Variants in PTCSC3 observed in about 807,000 individuals in gnomAD.
The protein encoded by PTCSC3 is papillary thyroid carcinoma susceptibility candidate 3, also known as papillary thyroid carcinoma susceptibility candidate 3 (non-protein coding).
At chr14:36,139,700 A>G (rs1881374913) in intron 3 of PTCSC3, among the ~76,000 whole-genome samples, 1 of 152,232 alleles carries the variant, frequency 6.6e-6, no homozygotes, top group African/African-American at 2.4e-5. Flanking sequence ...GCTAAAACTT[A>G]AAACTATAGA....
At chr14:36,148,650 G>T (rs923483123) in intron 3 of PTCSC3, among the ~76,000 whole-genome samples, 6 of 152,210 alleles carry the variant, frequency 3.9e-5, no homozygotes, top group Non-Finnish European at 2.9e-5. Context: ...GGTAGCTGTA[G>T]ACCGGAGCTG....
chr14:36,156,431 C>T (rs948179097), intron 2 of PTCSC3, among the ~76,000 whole-genome samples: 4 of 150,918 alleles, frequency 2.7e-5, no homozygotes, highest in African/African-American at 9.8e-5. Context: ...TGTCACTCAT[C>T]TTCATTCATT....
chr14:36,140,315 G>A (rs1050111096), intron 3 of PTCSC3, among the ~76,000 whole-genome samples: 2 of 152,164 alleles, frequency 1.3e-5, no homozygotes, highest in Non-Finnish European at 2.9e-5. Context: ...AGGTTTTTGT[G>A]TGGCCATAAT....
intron 3 of PTCSC3, among the ~76,000 whole-genome samples, chr14:36,140,383 A>G (rs1881391526): frequency 6.6e-6 from 1 of 152,194 alleles, no homozygotes; most frequent in South Asian, 2.1e-4. Context: ...TGGTATTTGT[A>G]TTAAGTCCGT....
At chr14:36,137,246 G>C (rs1347662142) in intron 3 of PTCSC3, among the ~76,000 whole-genome samples, 2 of 151,324 alleles carry the variant, frequency 1.3e-5, no homozygotes, top group Non-Finnish European at 3.0e-5. Context: ...GGAGCAGCTT[G>C]ACATATTTTA....
intron 3 of PTCSC3, among the ~76,000 whole-genome samples, chr14:36,151,591 T>C (rs1013119855): frequency 6.6e-6 from 1 of 152,212 alleles, no homozygotes; most frequent in Non-Finnish European, 1.5e-5. Context: ...ATTTTGTGAT[T>C]AAAATATCTC....
At chr14:36,158,590 C>G (rs1414261823) in intron 2 of PTCSC3, among the ~76,000 whole-genome samples, 8 of 152,114 alleles carry the variant, frequency 5.3e-5, no homozygotes, top group Non-Finnish European at 1.0e-4. Flanking sequence ...GCCTTGCATC[C>G]CAGGGATGAA....
At chr14:36,159,140 CTCTTT>C (rs1238373015) in intron 2 of PTCSC3, among the ~76,000 whole-genome samples, 8 of 150,864 alleles carry the variant, frequency 5.3e-5, no homozygotes, top group Non-Finnish European at 1.0e-4. Flanking sequence ...TGATTCTTCT[CTCTTT>C]TATTAGTCTG....
intron 3 of PTCSC3, among the ~76,000 whole-genome samples, chr14:36,138,149 T>C (rs1881331683): frequency 6.8e-6 from 1 of 147,366 alleles, no homozygotes; most frequent in Non-Finnish European, 1.5e-5. Context: ...TTCTGATAAA[T>C]GGTGCTAGAC....
intron 2 of PTCSC3, among the ~76,000 whole-genome samples, chr14:36,155,421 G>A (rs1186848891): frequency 1.3e-5 from 2 of 152,032 alleles, no homozygotes; most frequent in African/African-American, 4.8e-5. Context: ...GAGTTCACAA[G>A]TGGTTCTTTA....
chr14:36,153,715 TAA>T (rs1190249760), intron 3 of PTCSC3: 2 of 152,194 alleles, frequency 1.3e-5, no homozygotes, highest in Non-Finnish European at 1.5e-5. Flanking sequence ...CAGATTCTAA[TAA>T]GAGTGGAAAT....
At chr14:36,166,053 A>AGAG (rs1882078860) in intron 1 of PTCSC3, among the ~76,000 whole-genome samples, 1 of 152,220 alleles carries the variant, frequency 6.6e-6, no homozygotes, top group African/African-American at 2.4e-5. Context: ...CTGTCCTTCT[A>AGAG]GAGTGCTTAC....
chr14:36,165,615 C>T (rs1007796215), intron 1 of PTCSC3, among the ~76,000 whole-genome samples: 1 of 151,498 alleles, frequency 6.6e-6, no homozygotes, highest in East Asian at 1.9e-4. Context: ...TTTAAATTAG[C>T]GTTTTAGATA....
chr14:36,144,112 T>C (rs966344329), intron 3 of PTCSC3, among the ~76,000 whole-genome samples: 94 of 152,288 alleles, frequency 6.2e-4, no homozygotes, highest in Admixed American at 1.1e-3. Flanking sequence ...AGCTTTGTTC[T>C]TTTGGCTTAG....
intron 2 of PTCSC3, among the ~76,000 whole-genome samples, chr14:36,160,591 C>T (rs1881933484): frequency 6.6e-6 from 1 of 152,188 alleles, no homozygotes. Flanking sequence ...CCAAGACATC[C>T]ACTTTTAGTC....
chr14:36,139,444 A>G (rs1355483579), intron 3 of PTCSC3, among the ~76,000 whole-genome samples: 1 of 152,202 alleles, frequency 6.6e-6, no homozygotes, highest in African/African-American at 2.4e-5. Context: ...CAGTTTTAAA[A>G]TACATACAGA....
chr14:36,159,957 T>G (rs1245335322), intron 2 of PTCSC3, among the ~76,000 whole-genome samples: 1 of 152,218 alleles, frequency 6.6e-6, no homozygotes, highest in African/African-American at 2.4e-5. Context: ...CTTGTTGAAT[T>G]GATCCCTTTA....
chr14:36,156,484 G>A (rs1243923799), intron 2 of PTCSC3, among the ~76,000 whole-genome samples: 5 of 151,820 alleles, frequency 3.3e-5, no homozygotes, highest in African/African-American at 1.2e-4. Flanking sequence ...TGGGATACAC[G>A]TGCAGAATGT....
chr14:36,158,878 A>C (rs1296301252), intron 2 of PTCSC3, among the ~76,000 whole-genome samples: 1 of 152,056 alleles, frequency 6.6e-6, no homozygotes, highest in Non-Finnish European at 1.5e-5. Context: ...GAATCCATCT[A>C]GTCCTTGAAT....
Sources: gnomAD v4.1 joint callset for allele counts (sites outside exome capture counted in the v4.1 genomes callset) on GRCh38, gnomAD v4.1.1 for gene constraint, MANE v1.5 for transcripts, NCBI Gene and HGNC (gene_info 2026-07-23, HGNC 2026-07-21) for gene names.